Variants in TBX15 observed in about 807,000 individuals in gnomAD.
TBX15 encodes the protein T-box transcription factor 15, also known as T-box transcription factor TBX15.
A neutral mutation model predicts 53.9 loss-of-function variants in TBX15; 18 were observed. The observed-to-expected ratio is 0.33, with a 90% CI of 0.23 to 0.49. The LOEUF is 0.49. TBX15 is among the 20% of genes least tolerant of loss of function. TBX15 has a pLI of 0.98. For synonymous variants in TBX15, 295 were observed against 278.0 expected, an observed-to-expected ratio of 1.06 and a Z score of -0.61; for missense variants, 692 against 749.5, an observed-to-expected ratio of 0.92 and a Z score of 0.90.
intron 7 of TBX15, among the ~76,000 whole-genome samples, chr1:118,889,557 T>C (rs1047102854): frequency 1.3e-5 from 2 of 152,178 alleles, no homozygotes; most frequent in African/African-American, 4.8e-5. Flanking sequence ...CCGAGTGCTC[T>C]GAGCATCTTG....
At chr1:118,900,981 A>C (rs1345639903) in intron 6 of TBX15, among the ~76,000 whole-genome samples, 7 of 152,180 alleles carry the variant, frequency 4.6e-5, no homozygotes. Flanking sequence ...TGAGGACAAA[A>C]TATTAGCTCA....
chr1:118,940,959 TCCTTCAAAAGTTCATTC>T (rs1656158920), intron 1 of TBX15, among the ~76,000 whole-genome samples: 1 of 149,772 alleles, frequency 6.7e-6, no homozygotes, highest in African/African-American at 2.6e-5. Context: ...GCACCAAAGG[TCCTTCAAAAGTTCATTC>T]TGATAAACTG....
At chr1:118,962,661 T>C (rs370397151) in intron 1 of TBX15, among the ~76,000 whole-genome samples, 3 of 152,322 alleles carry the variant, frequency 2.0e-5, no homozygotes, top group African/African-American at 4.8e-5. Flanking sequence ...GAAGTTTTCA[T>C]GTCCCCATAA....
chr1:118,979,753 C>T (rs1293177875), intron 1 of TBX15, among the ~76,000 whole-genome samples: 1 of 152,246 alleles, frequency 6.6e-6, no homozygotes, highest in Non-Finnish European at 1.5e-5. Flanking sequence ...GCCGCCATCC[C>T]TCAGGGTTCC....
intron 1 of TBX15, among the ~76,000 whole-genome samples, chr1:118,983,421 C>G (rs759813412): frequency 6.6e-6 from 1 of 152,154 alleles, no homozygotes; most frequent in Admixed American, 6.5e-5. Context: ...CCCCGCTGCC[C>G]GGGAACCCAG....
At chr1:118,942,520 GGT>G (rs1656215235) in intron 1 of TBX15, among the ~76,000 whole-genome samples, 2 of 152,076 alleles carry the variant, frequency 1.3e-5, no homozygotes, top group Non-Finnish European at 2.9e-5. Flanking sequence ...CTAGTAATGA[GGT>G]GTCTTAATTG....
rs149331958 is a variant in TBX15, at chr1:118,961,217, A to G, written c.205+26374T>C. Among the ~76,000 whole-genome samples, 338 of 152,286 alleles carry G rather than the reference A, an allele frequency of 2.2e-3. 1 individual carries two copies. Among genetic ancestry groups the G allele is most frequent in the African/African-American group, 7.5e-3 (312 of 41,548 alleles). On this transcript the variant is annotated intron_variant, in intron 1 of 7. Coordinates refer to ENST00000369429, the MANE Select transcript of TBX15 (RefSeq NM_001330677.2). ...CTGTTCATATTCTGTCGAGACACCC[A>G]TCCCCCTGTGTTTCACTTGTCTGAT... is the stretch of plus-strand genomic sequence containing the variant.
intron 5 of TBX15, among the ~76,000 whole-genome samples, chr1:118,920,601 G>A (rs886532824): frequency 7.2e-5 from 11 of 152,072 alleles, no homozygotes; most frequent in African/African-American, 2.4e-4. Context: ...GACTCCCTAG[G>A]CACTGAGGAG....
At chr1:118,979,569 A>T (rs140364765) in intron 1 of TBX15, among the ~76,000 whole-genome samples, 96 of 152,212 alleles carry the variant, frequency 6.3e-4, no homozygotes, top group African/African-American at 2.2e-3. Context: ...TCAGGGCGCG[A>T]GGTGTGAGAC....
intron 5 of TBX15, among the ~76,000 whole-genome samples, chr1:118,917,208 T>G (rs542808360): frequency 1.3e-5 from 2 of 152,256 alleles, no homozygotes; most frequent in Admixed American, 1.3e-4. Flanking sequence ...GAAAATGTGA[T>G]ACATATACAT....
intron 1 of TBX15, among the ~76,000 whole-genome samples, chr1:118,953,152 A>T (rs778361197): frequency 5.9e-5 from 9 of 152,058 alleles, no homozygotes; most frequent in Non-Finnish European, 8.8e-5. Flanking sequence ...TAAATTAATT[A>T]AGGCCACTGG....
chr1:118,959,812 G>C (rs1656805663), intron 1 of TBX15, among the ~76,000 whole-genome samples: 1 of 152,132 alleles, frequency 6.6e-6, no homozygotes. Context: ...TACATCCAAA[G>C]ATGCTCTGAT....
intron 1 of TBX15, among the ~76,000 whole-genome samples, chr1:118,961,247 T>C (rs1656862863): frequency 6.6e-6 from 1 of 152,240 alleles, no homozygotes; most frequent in Non-Finnish European, 1.5e-5. Context: ...TCTGATTACA[T>C]ATCTGTCTTC....
chr1:118,892,626 T>C (rs1324670609), intron 7 of TBX15, among the ~76,000 whole-genome samples: 4 of 152,284 alleles, frequency 2.6e-5, no homozygotes, highest in Middle Eastern at 6.8e-3. Flanking sequence ...ATGCCCAGAA[T>C]TAAGTGAAGT....
intron 6 of TBX15, among the ~76,000 whole-genome samples, chr1:118,913,272 G>A (rs923452133): frequency 4.6e-5 from 7 of 151,920 alleles, no homozygotes; most frequent in African/African-American, 7.2e-5. Context: ...TCATTGCAAA[G>A]CCTACGCACT....
At chr1:118,975,418 G>C (rs528949480) in intron 1 of TBX15, among the ~76,000 whole-genome samples, 2 of 152,294 alleles carry the variant, frequency 1.3e-5, no homozygotes, top group East Asian at 3.9e-4. Flanking sequence ...TTTCTGTTTT[G>C]GTGACAACGT....
At chr1:118,934,995 G>T (rs146331139) in intron 1 of TBX15, among the ~76,000 whole-genome samples, 1 of 152,070 alleles carries the variant, frequency 6.6e-6, no homozygotes, top group East Asian at 1.9e-4. Flanking sequence ...ATTCTCAATT[G>T]TTTCTTAAAT....
chr1:118,941,370 C>G lies in TBX15; in HGVS notation c.206-9538G>C, dbSNP rs147535573. ...TTTCTAAACATCAAGTGTAATTTAA[C>G]TATGACTTCTGGAGAGAGTGCCTCT... is the stretch of plus-strand genomic sequence containing the variant. On this transcript the variant is annotated intron_variant, in intron 1 of 7. Transcript: ENST00000369429. 5.9e-5 allele frequency among the ~76,000 whole-genome samples: 9 copies of G among 152,296 alleles called. No individual in the cohort carries two copies. The East Asian group carries it at 1.7e-3, about 29-fold the overall frequency.
rs1557867686 is a variant in TBX15, at chr1:118,884,714, TGG to T, written c.*16_*17del. ...GGGGCCTTGATTGCCAAATGCTCCG[TGG>T]TGTTTGGACTGGCCTTTAAACCATG... On this transcript the variant is annotated 3_prime_UTR_variant, in exon 8 of 8. Coordinates refer to ENST00000369429, the MANE Select transcript of TBX15 (RefSeq NM_001330677.2). 7 of 1,612,024 alleles carry T rather than the reference TGG, an allele frequency of 4.3e-6. No individual in the cohort carries two copies. The South Asian group carries it at 7.7e-5, about 18-fold the overall frequency.
Sources: gnomAD v4.1 joint callset for allele counts (sites outside exome capture counted in the v4.1 genomes callset) on GRCh38, gnomAD v4.1.1 for gene constraint, MANE v1.5 for transcripts, NCBI Gene and HGNC (gene_info 2026-07-23, HGNC 2026-07-21) for gene names.